Variants in THSD7A observed in about 807,000 individuals in gnomAD.
The protein encoded by THSD7A is thrombospondin type 1 domain containing 7A.
In THSD7A, 96 loss-of-function variants were observed where a neutral mutation model predicts 231.3. The observed-to-expected ratio is 0.41, with a 90% CI of 0.35 to 0.49. The LOEUF (loss-of-function observed/expected upper bound fraction) is 0.49, where lower values mean the gene tolerates loss of function less well. Ranked by LOEUF, THSD7A falls within the 20% of genes least tolerant of loss-of-function variation. The pLI, the probability that THSD7A is intolerant of heterozygous loss-of-function variation, is 0.05. For missense variants in THSD7A, 2,290 were observed against 2,070.2 expected (o/e 1.11, Z -2.06); for synonymous variants, 940 against 743.3 (o/e 1.26, Z -4.30).
At chr7:11,727,691 T>C (rs1218892794) in intron 1 of THSD7A, among the ~76,000 whole-genome samples, 2 of 151,958 alleles carry the variant, frequency 1.3e-5, no homozygotes, top group Non-Finnish European at 2.9e-5. Flanking sequence ...ATTTGATATT[T>C]CTAATATTTT....
intron 1 of THSD7A, among the ~76,000 whole-genome samples, chr7:11,670,125 G>C (rs1174918023): frequency 1.3e-5 from 2 of 152,144 alleles, no homozygotes; most frequent in African/African-American, 2.4e-5. Flanking sequence ...ACAGCACAAA[G>C]ACAGGCAAAA....
At chr7:11,675,989 G>A (rs1360739258) in intron 1 of THSD7A, among the ~76,000 whole-genome samples, 1 of 152,326 alleles carries the variant, frequency 6.6e-6, no homozygotes, top group South Asian at 2.1e-4. Flanking sequence ...CCCAACAGGG[G>A]TTGACAGACA....
chr7:11,404,439 T>A lies in THSD7A; in HGVS notation c.4237+1861A>T, dbSNP rs117427370. Among the ~76,000 whole-genome samples, 33 of 152,346 alleles carry A rather than the reference T, an allele frequency of 2.2e-4. No individual in the cohort carries two copies. In the East Asian group the frequency reaches 6.2e-3, roughly 28 times the overall value. On this transcript the variant is annotated intron_variant, in intron 22 of 27. Coordinates refer to ENST00000423059, the MANE Select transcript of THSD7A (RefSeq NM_015204.3). ...CCTATTACTGGTGCTGGAGATTTGG[T>A]TTTGGAAAAGTAGGCCTTACAACTT...
intron 4 of THSD7A, among the ~76,000 whole-genome samples, chr7:11,568,656 C>A (rs12539206): frequency 0.21 from 18,711 of 87,534 alleles, 2,070 homozygotes; most frequent in Admixed American, 0.28. Context: ...AAAAAAAAAC[C>A]AAAATCTGGA....
At chr7:11,805,649 T>G (rs1417618752) in intron 1 of THSD7A, among the ~76,000 whole-genome samples, 2 of 152,094 alleles carry the variant, frequency 1.3e-5, no homozygotes, top group Non-Finnish European at 2.9e-5. Flanking sequence ...TTATATGGTT[T>G]TAAAATGTCA....
chr7:11,463,897 C>A (rs991537385), intron 9 of THSD7A, among the ~76,000 whole-genome samples: 1 of 152,062 alleles, frequency 6.6e-6, no homozygotes, highest in Non-Finnish European at 1.5e-5. Context: ...GTGATAAATT[C>A]CTTTAATAAT....
At chr7:11,518,529 G>A (rs1262173032) in intron 6 of THSD7A, among the ~76,000 whole-genome samples, 4 of 151,982 alleles carry the variant, frequency 2.6e-5, no homozygotes, top group Non-Finnish European at 5.9e-5. Flanking sequence ...TGTAGTAAAC[G>A]AGGTAAGACA....
intron 4 of THSD7A, among the ~76,000 whole-genome samples, chr7:11,565,888 C>A (rs968230008): frequency 6.6e-6 from 1 of 152,172 alleles, no homozygotes; most frequent in Non-Finnish European, 1.5e-5. Flanking sequence ...CCTGCAGTTG[C>A]CAACTGAATT....
chr7:11,450,516 A>T (rs953028376), intron 11 of THSD7A, among the ~76,000 whole-genome samples: 1 of 152,070 alleles, frequency 6.6e-6, no homozygotes, highest in African/African-American at 2.4e-5. Flanking sequence ...TCTGACTTAG[A>T]GGAAACACAA....
intron 6 of THSD7A, among the ~76,000 whole-genome samples, chr7:11,508,493 A>T (rs1261219938): frequency 3.3e-5 from 5 of 152,346 alleles, no homozygotes; most frequent in East Asian, 1.9e-4. Flanking sequence ...TACATTATTG[A>T]TGAGAATACA....
chr7:11,746,547 A>G (rs986905145), intron 1 of THSD7A, among the ~76,000 whole-genome samples: 1 of 151,834 alleles, frequency 6.6e-6, no homozygotes, highest in Non-Finnish European at 1.5e-5. Context: ...TATTTCATAG[A>G]GTTTTCCTCA....
In THSD7A at chr7:11,460,651, G is replaced by T. The variant is rs1449372101; in HGVS notation, c.2605+11C>A. The T allele has an allele frequency of 1.3e-6, 2 of 1,594,842 alleles. No individual in the cohort carries two copies. Among genetic ancestry groups the T allele is most frequent in the Non-Finnish European group, 1.7e-6 (2 of 1,169,852 alleles). ...TGCTGGAGAAATGAACTGTGGAATG[G>T]GGCCTCCCACCTCTTGCCTGTCGCC... is the stretch of plus-strand genomic sequence containing the variant. On this transcript the variant is annotated intron_variant, in intron 11 of 27. Coordinates refer to ENST00000423059, the MANE Select transcript of THSD7A (RefSeq NM_015204.3).
intron 4 of THSD7A, among the ~76,000 whole-genome samples, chr7:11,545,876 G>A (rs1789358921): frequency 6.6e-6 from 1 of 152,150 alleles, no homozygotes; most frequent in Non-Finnish European, 1.5e-5. Flanking sequence ...TCTTCAAGAT[G>A]GCTTTGGCCT....
At position 11,481,846 on chromosome 7, in the gene THSD7A, T is replaced by C. The variant is rs759021771; in HGVS notation, c.1959A>G (p.Lys653=). ...WSSCSHTCSG[K]TTEGKQIRAR... is the part of the protein sequence containing the mutation. ...CTCGTATCTGTTTCCCTTCTGTCGT[T>C]TTCCCTGAGCAGGTGTGTGAGCAGG... is the stretch of plus-strand genomic sequence containing the variant. Residue 653 remains lysine, a synonymous_variant, in exon 7 of 28, where the codon AAA becomes AAG. Transcript: ENST00000423059. 8 of 1,613,622 alleles carry C rather than the reference T, an allele frequency of 5.0e-6. No individual in the cohort carries two copies. Among genetic ancestry groups the C allele is most frequent in the Non-Finnish European group, 6.8e-6 (8 of 1,179,718 alleles).
intron 1 of THSD7A, among the ~76,000 whole-genome samples, chr7:11,780,997 CAAAAAAAAAAAAAAAAAAAAAAAAAAAAA>C (rs58931693): frequency 5.8e-5 from 2 of 34,442 alleles, no homozygotes; most frequent in Non-Finnish European, 5.3e-5. Flanking sequence ...GACTCCGTCT[CAAAAAAAAAAAAAAAAAAAAAAAAAAAAA>C]AAAAAAAAAA....
At chr7:11,686,436 A>G (rs979763505) in intron 1 of THSD7A, among the ~76,000 whole-genome samples, 1 of 151,936 alleles carries the variant, frequency 6.6e-6, no homozygotes, top group Non-Finnish European at 1.5e-5. Flanking sequence ...GCTCATGAAA[A>G]GATACATAAC....
chr7:11,761,977 C>T (rs1397961757), intron 1 of THSD7A, among the ~76,000 whole-genome samples: 2 of 152,082 alleles, frequency 1.3e-5, no homozygotes, highest in Non-Finnish European at 2.9e-5. Flanking sequence ...CAACTGTATA[C>T]CACTTATAAC....
intron 22 of THSD7A, among the ~76,000 whole-genome samples, chr7:11,403,826 A>T (rs1783492421): frequency 6.6e-6 from 1 of 152,214 alleles, no homozygotes; most frequent in Admixed American, 6.5e-5. Context: ...TTCTATTTTG[A>T]CCATGTAAAC....
At chr7:11,695,521 G>A (rs1780362950) in intron 1 of THSD7A, among the ~76,000 whole-genome samples, 1 of 151,530 alleles carries the variant, frequency 6.6e-6, no homozygotes, top group African/African-American at 2.4e-5. Context: ...AGACAAAATT[G>A]AGTATCTAAT....
Sources: gnomAD v4.1 joint callset for allele counts (sites outside exome capture counted in the v4.1 genomes callset) on GRCh38, gnomAD v4.1.1 for gene constraint, MANE v1.5 for transcripts, NCBI Gene and HGNC (gene_info 2026-07-23, HGNC 2026-07-21) for gene names.